Variants in GABRB1 observed in about 807,000 individuals in gnomAD.
GABRB1 encodes the protein gamma-aminobutyric acid type A receptor subunit beta1.
A neutral mutation model predicts 51.6 loss-of-function variants in GABRB1; 17 were observed. The observed-to-expected ratio is 0.33, with a 90% confidence interval of 0.23 to 0.49. The LOEUF (loss-of-function observed/expected upper bound fraction) is 0.49, where lower values mean the gene tolerates loss of function less well. GABRB1 is among the 20% of genes least tolerant of loss of function. The pLI is 0.99. For synonymous variants in GABRB1, 247 were observed against 218.9 expected (o/e 1.13, Z -1.14); for missense variants, 410 against 600.6 (o/e 0.68, Z 3.32).
chr4:47,125,757 GT>G (rs1362931277), intron 3 of GABRB1, among the ~76,000 whole-genome samples: 3 of 146,732 alleles, frequency 2.0e-5, no homozygotes, highest in Non-Finnish European at 4.5e-5. Context: ...GGGTTTCACC[GT>G]TTTAGCCGGG....
intron 3 of GABRB1, among the ~76,000 whole-genome samples, chr4:47,110,976 T>TATAACAAATTA (rs1715189142): frequency 1.3e-5 from 2 of 152,074 alleles, no homozygotes; most frequent in Admixed American, 1.3e-4. Flanking sequence ...CAAATAAGGT[T>TATAACAAATTA]TACAAAAAAG....
intron 3 of GABRB1, among the ~76,000 whole-genome samples, chr4:47,111,024 A>T (rs139178464): frequency 1.4e-3 from 219 of 152,340 alleles, no homozygotes; most frequent in African/African-American, 5.0e-3. Flanking sequence ...ATATGCCCAT[A>T]ATAACAAAAT....
At chr4:47,299,920 A>G (rs1724181167) in intron 4 of GABRB1, among the ~76,000 whole-genome samples, 1 of 151,960 alleles carries the variant, frequency 6.6e-6, no homozygotes, top group Admixed American at 6.6e-5. Context: ...ATAAAAAATG[A>G]TGAGTTCATG....
chr4:47,163,343 A>G (rs1188173244), intron 4 of GABRB1, among the ~76,000 whole-genome samples: 1 of 152,052 alleles, frequency 6.6e-6, no homozygotes, highest in Non-Finnish European at 1.5e-5. Context: ...CTGCATACTC[A>G]GGATAGTTTT....
At chr4:47,083,970 T>C (rs1727960371) in intron 3 of GABRB1, among the ~76,000 whole-genome samples, 2 of 152,022 alleles carry the variant, frequency 1.3e-5, no homozygotes, top group Non-Finnish European at 2.9e-5. Context: ...TCTGTAACTA[T>C]ATATTACCCC....
intron 5 of GABRB1, among the ~76,000 whole-genome samples, chr4:47,383,081 A>G (rs1727649919): frequency 6.6e-6 from 1 of 152,224 alleles, no homozygotes; most frequent in Non-Finnish European, 1.5e-5. Flanking sequence ...TCAGCTTTAC[A>G]ACATTCTATT....
intron 4 of GABRB1, among the ~76,000 whole-genome samples, chr4:47,291,469 G>A (rs1385392670): frequency 6.6e-6 from 1 of 152,210 alleles, no homozygotes; most frequent in East Asian, 1.9e-4. Flanking sequence ...GCACTGCCTA[G>A]TGAAGCTGTG....
rs1339586601 is a variant in GABRB1, at chr4:47,113,955, C to T, written c.241-47294C>T. Among the ~76,000 whole-genome samples, 4 of 152,196 alleles carry T rather than the reference C, an allele frequency of 2.6e-5. No individual in the cohort carries two copies. The East Asian group carries it at 5.8e-4, about 22-fold the overall frequency. On this transcript the variant is annotated intron_variant, in intron 3 of 8. Transcript: ENST00000295454. ...TAGGATCTAGCCTTTTCTACTTTCT[C>T]AGCCAGAAAATAAGGTATGTGGCCA...
chr4:47,181,465 A>T (rs1189697901), intron 4 of GABRB1, among the ~76,000 whole-genome samples: 1 of 152,014 alleles, frequency 6.6e-6, no homozygotes, highest in Non-Finnish European at 1.5e-5. Context: ...GTCCTTTCAG[A>T]TGGCAATAGA....
At chr4:47,085,153 A>G (rs1000200438) in intron 3 of GABRB1, among the ~76,000 whole-genome samples, 3 of 152,212 alleles carry the variant, frequency 2.0e-5, no homozygotes, top group Non-Finnish European at 4.4e-5. Flanking sequence ...GATGGACTTG[A>G]CATTGATAGA....
At chr4:47,115,243 T>G (rs1239154216) in intron 3 of GABRB1, among the ~76,000 whole-genome samples, 1 of 152,190 alleles carries the variant, frequency 6.6e-6, no homozygotes, top group Non-Finnish European at 1.5e-5. Flanking sequence ...GGCTTTTTCC[T>G]AGGAATTCTC....
At position 47,321,285 on chromosome 4, in the gene GABRB1, T is replaced by C. The variant is rs184631993; in HGVS notation, c.544+1076T>C. Among the ~76,000 whole-genome samples the C allele has an allele frequency of 6.6e-5, 10 of 152,308 alleles. No individual in the cohort carries two copies. In the East Asian group the frequency reaches 1.2e-3, roughly 18 times the overall value. ...GGAAAATGGAAAAATTCCAGGTGAT[T>C]CTATAGTATTGTTGAAGAGTAGTGT... On this transcript the variant is annotated intron_variant, in intron 5 of 8. Transcript: ENST00000295454.
chr4:47,296,202 A>AT (rs572088219), intron 4 of GABRB1, among the ~76,000 whole-genome samples: 206 of 152,330 alleles, frequency 1.4e-3, no homozygotes, highest in African/African-American at 4.7e-3. Flanking sequence ...TGCATAAACT[A>AT]ATGAGCAAAA....
At chr4:47,049,410 A>G (rs570299885) in intron 3 of GABRB1, among the ~76,000 whole-genome samples, 54 of 152,128 alleles carry the variant, frequency 3.5e-4, no homozygotes, top group Non-Finnish European at 7.6e-4. Context: ...TCAGACGACC[A>G]ATTTTTGGGT....
Position 47,031,969 on chromosome 4 carries a change from A to G in GABRB1, c.136A>G (p.Lys46Glu), listed in dbSNP as rs775250287. Residue 46 changes from lysine (K) to glutamate (E), a missense_variant, in exon 2 of 9, where the codon AAA becomes GAA. By Grantham distance (56) the Lys-to-Glu change is moderately conservative. Transcript: ENST00000295454. ...YVKETVDRLL[K>E]GYDIRLRPDF... is the part of the protein sequence containing the mutation. ...GAAAGAGACAGTGGACAGATTGCTC[A>G]AAGGATATGACATTCGCTTGCGGCC... The G allele has an allele frequency of 1.3e-5, 21 of 1,613,830 alleles. No individual in the cohort carries two copies. The highest frequency in any genetic ancestry group is 2.7e-5 in the African/African-American group (2 of 74,828).
intron 3 of GABRB1, among the ~76,000 whole-genome samples, chr4:47,048,160 C>T (rs975977519): frequency 6.6e-6 from 1 of 152,114 alleles, no homozygotes; most frequent in African/African-American, 2.4e-5. Context: ...AAAATCCCCA[C>T]ATTGTAATCA....
At chr4:47,180,673 T>C (rs1313760981) in intron 4 of GABRB1, among the ~76,000 whole-genome samples, 2 of 152,088 alleles carry the variant, frequency 1.3e-5, no homozygotes, top group Non-Finnish European at 2.9e-5. Context: ...TACTAAGTCC[T>C]GTACAGTTTT....
intron 5 of GABRB1, among the ~76,000 whole-genome samples, chr4:47,346,728 A>G (rs925280999): frequency 6.6e-6 from 1 of 152,268 alleles, no homozygotes; most frequent in African/African-American, 2.4e-5. Context: ...TGCCAATGCT[A>G]TAGGCAGGTA....
At chr4:47,364,070 T>TA (rs1014672177) in intron 5 of GABRB1, among the ~76,000 whole-genome samples, 1 of 152,206 alleles carries the variant, frequency 6.6e-6, no homozygotes, top group African/African-American at 2.4e-5. Flanking sequence ...AGAAATGGTC[T>TA]AAATTCACAC....
Sources: allele counts gnomAD v4.1 joint callset (sites outside exome capture counted in the v4.1 genomes callset), GRCh38; gene constraint gnomAD v4.1.1; transcripts MANE v1.5; gene names NCBI Gene and HGNC (gene_info 2026-07-23, HGNC 2026-07-21).